LRP1B: variants seen among roughly 807,000 people sequenced by gnomAD.
LRP1B encodes low-density lipoprotein receptor-related protein 1B.
LRP1B carries 217 observed loss-of-function variants against 556.6 expected under a neutral mutation model. The observed-to-expected ratio is 0.39, with a 90% CI of 0.35 to 0.44. The LOEUF (loss-of-function observed/expected upper bound fraction) is 0.44, where lower values mean the gene tolerates loss of function less well. Ranked by LOEUF, LRP1B falls within the 20% of genes least tolerant of loss-of-function variation. The probability of loss-of-function intolerance (pLI) is 1.00; values close to 1 mark genes in which losing one functional copy is unlikely to be tolerated. For missense variants in LRP1B, 5,053 were observed against 5,620.8 expected (o/e 0.90, Z 3.23); for synonymous variants, 2,047 against 1,865.8 (o/e 1.10, Z -2.50).
intron 43 of LRP1B, among the ~76,000 whole-genome samples, chr2:140,544,366 C>T (rs1262342127): frequency 2.6e-5 from 4 of 151,748 alleles, no homozygotes; most frequent in Non-Finnish European, 4.4e-5. Context: ...GTTTGTTATA[C>T]AGGTAAATTT....
intron 32 of LRP1B, among the ~76,000 whole-genome samples, chr2:140,794,497 ACACACAC>A (rs978615184): frequency 1.8e-4 from 27 of 150,910 alleles, no homozygotes; most frequent in African/African-American, 6.5e-4. Flanking sequence ...ACACACACAC[ACACACAC>A]ACACACACAC....
chr2:140,754,772 A>G (rs1366807135), intron 35 of LRP1B, among the ~76,000 whole-genome samples: 7 of 151,104 alleles, frequency 4.6e-5, no homozygotes, highest in Non-Finnish European at 7.4e-5. Context: ...AGAACTAGAA[A>G]AAAAAAAACA....
rs867961765 is a variant in LRP1B, at chr2:141,160,018, T to A, written c.1013+28403A>T. On this transcript the variant is annotated intron_variant, in intron 7 of 90. Coordinates refer to ENST00000389484, the MANE Select transcript of LRP1B (RefSeq NM_018557.3). ...GGGGTGGGAGGTGAGGGGAGAGAACTTAGAGGGCAGGTCAATAGGTGCAGC... is the reference window on the plus strand; with the variant it reads ...GGGGTGGGAGGTGAGGGGAGAGAACATAGAGGGCAGGTCAATAGGTGCAGC... Among the ~76,000 whole-genome samples, 6 of 151,864 alleles carry A rather than the reference T, an allele frequency of 4.0e-5. No individual in the cohort carries two copies. The South Asian group carries it at 1.3e-3, about 32-fold the overall frequency.
At chr2:142,040,715 T>C (rs1253967297) in intron 1 of LRP1B, among the ~76,000 whole-genome samples, 1 of 151,208 alleles carries the variant, frequency 6.6e-6, no homozygotes, top group Non-Finnish European at 1.5e-5. Flanking sequence ...AGCCTTTGTC[T>C]ATGAGTGATT....
intron 66 of LRP1B, among the ~76,000 whole-genome samples, chr2:140,387,565 A>G (rs1683813389): frequency 6.8e-6 from 1 of 146,838 alleles, no homozygotes; most frequent in South Asian, 2.1e-4. Context: ...TAGATTTCAA[A>G]TGCATTTTTC....
chr2:140,471,708 T>C (rs924074426), intron 60 of LRP1B, among the ~76,000 whole-genome samples: 1 of 152,186 alleles, frequency 6.6e-6, no homozygotes, highest in African/African-American at 2.4e-5. Flanking sequence ...CACATGCTGT[T>C]GTCAAATCTA....
intron 25 of LRP1B, among the ~76,000 whole-genome samples, chr2:140,880,944 A>G (rs1218760179): frequency 1.3e-5 from 2 of 152,180 alleles, no homozygotes; most frequent in African/African-American, 4.8e-5. Flanking sequence ...GATTTTACAG[A>G]CTGAAAACAA....
intron 68 of LRP1B, among the ~76,000 whole-genome samples, 180 bp downstream of exon 68, chr2:140,378,000 C>A (rs1683308842): frequency 6.6e-6 from 1 of 152,106 alleles, no homozygotes; most frequent in Non-Finnish European, 1.5e-5. Context: ...AATAGCAGCA[C>A]AAGAGCTATT....
At chr2:141,270,586 G>A (rs1685053411) in intron 3 of LRP1B, among the ~76,000 whole-genome samples, 1 of 152,020 alleles carries the variant, frequency 6.6e-6, no homozygotes, top group Non-Finnish European at 1.5e-5. Context: ...TTTGCATAAA[G>A]TGGGACATTA....
intron 66 of LRP1B, 70 bp from the exon 67 acceptor site, chr2:140,386,079 C>T: frequency 1.1e-6 from 1 of 896,434 alleles, no homozygotes; most frequent in Non-Finnish European, 1.8e-6. Flanking sequence ...GTCCTCACTG[C>T]CATGCCAAAT....
At position 141,220,652 on chromosome 2, in the gene LRP1B, G is replaced by A. The variant is rs117194257; in HGVS notation, c.850+8531C>T. 9.7e-3 allele frequency among the ~76,000 whole-genome samples: 1,438 copies of A among 147,834 alleles called. 60 individuals are homozygous for A. Among genetic ancestry groups the A allele is most frequent in the Admixed American group, 0.068 (1,005 of 14,786 alleles). ...AAAAAAAAAAAGAAAAAATGTTAAC[G>A]ACAGACAGAGAGAAAGGCCAGGTCA... On this transcript the variant is annotated intron_variant, in intron 6 of 90. Coordinates refer to ENST00000389484, the MANE Select transcript of LRP1B (RefSeq NM_018557.3).
chr2:140,450,529 C>T (rs1359466652), intron 63 of LRP1B, 39 bp downstream of exon 63: 1 of 1,459,434 alleles, frequency 6.9e-7, no homozygotes, highest in East Asian at 2.3e-5. Flanking sequence ...ATATAAGGAA[C>T]TCTAAATTCT....
chr2:140,767,906 G>T (rs1221445385), intron 35 of LRP1B, among the ~76,000 whole-genome samples: 3 of 151,630 alleles, frequency 2.0e-5, no homozygotes, highest in African/African-American at 7.3e-5. Context: ...TCTTAGTTTT[G>T]CACTTAACAA....
intron 1 of LRP1B, among the ~76,000 whole-genome samples, chr2:142,061,118 T>C (rs953358293): frequency 2.6e-5 from 4 of 152,026 alleles, no homozygotes; most frequent in African/African-American, 9.7e-5. Flanking sequence ...TAATTCCTCT[T>C]ACAGATTCAA....
At chr2:140,507,939 C>A (rs1689489770) in intron 52 of LRP1B, among the ~76,000 whole-genome samples, 1 of 151,996 alleles carries the variant, frequency 6.6e-6, no homozygotes. Context: ...TGATACATTT[C>A]TTATAAGGGC....
chr2:141,117,236 AT>A (rs34197961), intron 7 of LRP1B, among the ~76,000 whole-genome samples: 6,007 of 143,692 alleles, frequency 0.042, 265 homozygotes, highest in African/African-American at 0.12. Context: ...TGGCTACTTC[AT>A]TTTTTTTTTT....
At chr2:141,109,662 C>T (rs1331238548) in intron 7 of LRP1B, among the ~76,000 whole-genome samples, 1 of 65,998 alleles carries the variant, frequency 1.5e-5, no homozygotes, top group African/African-American at 4.0e-5. Flanking sequence ...GGACTACAAC[C>T]TTGCAAAAAA....
At chr2:140,560,018 G>A (rs1680872763) in intron 43 of LRP1B, among the ~76,000 whole-genome samples, 2 of 152,102 alleles carry the variant, frequency 1.3e-5, no homozygotes, top group Non-Finnish European at 2.9e-5. Flanking sequence ...GGAATAAATA[G>A]TAACTTTACA....
chr2:140,970,592 G>A (rs1305115588), intron 18 of LRP1B, among the ~76,000 whole-genome samples: 2 of 151,906 alleles, frequency 1.3e-5, no homozygotes, highest in African/African-American at 4.8e-5. Flanking sequence ...TGGAAATGCA[G>A]AAATCACCTG....
Sources: allele counts gnomAD v4.1 joint callset (sites outside exome capture counted in the v4.1 genomes callset), GRCh38; gene constraint gnomAD v4.1.1; transcripts MANE v1.5; gene names NCBI Gene and HGNC (gene_info 2026-07-23, HGNC 2026-07-21).